Variants in PDZRN4 observed in about 807,000 individuals in gnomAD.
PDZRN4 encodes the protein PDZ domain-containing RING finger protein 4.
In PDZRN4, 70 loss-of-function variants were observed where a neutral mutation model predicts 99.0. The ratio of observed to expected loss-of-function variants is 0.71; its 90% CI spans 0.58 to 0.86. The LOEUF (loss-of-function observed/expected upper bound fraction) is 0.86. Among genes scored for constraint, PDZRN4 ranks in the 40% least tolerant of loss-of-function variants. PDZRN4 has a pLI of 0.00. For synonymous variants in PDZRN4, 551 were observed against 501.6 expected (o/e 1.10, Z -1.32); for missense variants, 1,474 against 1,331.2 (o/e 1.11, Z -1.67).
chr12:41,532,829 T>C (rs1304982245), intron 5 of PDZRN4, among the ~76,000 whole-genome samples: 1 of 152,208 alleles, frequency 6.6e-6, no homozygotes, highest in Non-Finnish European at 1.5e-5. Context: ...AAATTGCTTG[T>C]AACACTGCCT....
intron 3 of PDZRN4, among the ~76,000 whole-genome samples, chr12:41,388,673 T>C (rs1839143781): frequency 6.6e-6 from 1 of 152,156 alleles, no homozygotes; most frequent in African/African-American, 2.4e-5. Flanking sequence ...TGAGAAATGT[T>C]CAGAAACAGC....
intron 5 of PDZRN4, among the ~76,000 whole-genome samples, chr12:41,535,321 G>T (rs1938730487): frequency 6.6e-6 from 1 of 152,136 alleles, no homozygotes; most frequent in Admixed American, 6.5e-5. Context: ...TGGGTTTCTG[G>T]TTACAAAGTG....
chr12:41,329,845 T>C (rs1332743435), intron 3 of PDZRN4, among the ~76,000 whole-genome samples: 1 of 152,066 alleles, frequency 6.6e-6, no homozygotes, highest in Non-Finnish European at 1.5e-5. Context: ...TAAACCATCA[T>C]TCAAGCCAAG....
chr12:41,376,865 T>G (rs1386013436), intron 3 of PDZRN4, among the ~76,000 whole-genome samples: 2 of 152,212 alleles, frequency 1.3e-5, no homozygotes. Flanking sequence ...TTTTATGATT[T>G]ATATTTAAGT....
chr12:41,444,292 C>T (rs1487171295), intron 3 of PDZRN4, among the ~76,000 whole-genome samples: 1 of 152,034 alleles, frequency 6.6e-6, no homozygotes, highest in Non-Finnish European at 1.5e-5. Context: ...ATTCCCCTCC[C>T]TGGGAGGTAA....
intron 3 of PDZRN4, among the ~76,000 whole-genome samples, chr12:41,488,736 A>G (rs1937824989): frequency 6.6e-6 from 1 of 152,190 alleles, no homozygotes; most frequent in African/African-American, 2.4e-5. Flanking sequence ...ATTCAGATAT[A>G]ATCCAAGTCA....
At chr12:41,353,878 G>A (rs1480962024) in intron 3 of PDZRN4, among the ~76,000 whole-genome samples, 1 of 152,002 alleles carries the variant, frequency 6.6e-6, no homozygotes, top group African/African-American at 2.4e-5. Context: ...AGATTATGAG[G>A]GCTTTTCATA....
chr12:41,344,560 A>C (rs1043288617), intron 3 of PDZRN4, among the ~76,000 whole-genome samples: 7 of 151,784 alleles, frequency 4.6e-5, no homozygotes, highest in Non-Finnish European at 1.0e-4. Flanking sequence ...AAAAGAAAAA[A>C]CAACTTTCTT....
At chr12:41,300,216 A>C (rs986602727) in intron 3 of PDZRN4, among the ~76,000 whole-genome samples, 6 of 151,886 alleles carry the variant, frequency 4.0e-5, no homozygotes, top group African/African-American at 1.4e-4. Context: ...TTTAATATAC[A>C]TTTACTTTTG....
At chr12:41,457,708 A>G (rs1170986766) in intron 3 of PDZRN4, among the ~76,000 whole-genome samples, 1 of 152,224 alleles carries the variant, frequency 6.6e-6, no homozygotes, top group Non-Finnish European at 1.5e-5. Flanking sequence ...AAGTAATTTA[A>G]TTTGCAAGTT....
chr12:41,193,027 T>C (rs913662987), intron 2 of PDZRN4, among the ~76,000 whole-genome samples: 1 of 152,374 alleles, frequency 6.6e-6, no homozygotes, highest in Non-Finnish European at 1.5e-5. Flanking sequence ...GGAAACTGTC[T>C]TAGTGTTGTT....
At chr12:41,538,148 TTAAG>T (rs1326440293) in intron 5 of PDZRN4, among the ~76,000 whole-genome samples, 3 of 152,144 alleles carry the variant, frequency 2.0e-5, no homozygotes, top group Admixed American at 2.0e-4. Context: ...TTTTCTAATC[TTAAG>T]TAACTATATG....
intron 3 of PDZRN4, among the ~76,000 whole-genome samples, chr12:41,500,508 T>C (rs1454982420): frequency 6.6e-6 from 1 of 152,140 alleles, no homozygotes; most frequent in African/African-American, 2.4e-5. Context: ...TAACATTTCC[T>C]ATGTACTTAG....
intron 3 of PDZRN4, among the ~76,000 whole-genome samples, chr12:41,213,672 G>A (rs1950902016): frequency 6.6e-6 from 1 of 152,048 alleles, no homozygotes; most frequent in South Asian, 2.1e-4. Flanking sequence ...GATTAGACAA[G>A]CTTGCTTTAA....
At chr12:41,505,420 A>G (rs1178445472) in intron 3 of PDZRN4, among the ~76,000 whole-genome samples, 2 of 152,132 alleles carry the variant, frequency 1.3e-5, no homozygotes, top group African/African-American at 4.8e-5. Flanking sequence ...ATTAAAACAC[A>G]ACTTCCGCTA....
intron 3 of PDZRN4, among the ~76,000 whole-genome samples, chr12:41,461,192 T>G (rs945626609): frequency 2.1e-5 from 3 of 143,258 alleles, no homozygotes; most frequent in African/African-American, 8.2e-5. Context: ...TTGTGCTGCA[T>G]GAGTATTACT....
intron 5 of PDZRN4, among the ~76,000 whole-genome samples, chr12:41,524,409 T>C (rs1938538044): frequency 6.6e-6 from 1 of 152,122 alleles, no homozygotes; most frequent in Admixed American, 6.6e-5. Flanking sequence ...ATGAAAGAAC[T>C]GAGGCAGAGA....
intron 3 of PDZRN4, among the ~76,000 whole-genome samples, chr12:41,258,588 A>G (rs1468501439): frequency 6.6e-6 from 1 of 152,192 alleles, no homozygotes; most frequent in Admixed American, 6.5e-5. Context: ...AAATACAAAG[A>G]CTACTCTCTT....
chr12:41,561,705 G>A (rs1939273604), intron 7 of PDZRN4, among the ~76,000 whole-genome samples: 1 of 151,624 alleles, frequency 6.6e-6, no homozygotes, highest in African/African-American at 2.4e-5. Flanking sequence ...AGCTGTGTAA[G>A]ATCACCCAAT....
Sources: gnomAD v4.1 joint callset for allele counts (sites outside exome capture counted in the v4.1 genomes callset) on GRCh38, gnomAD v4.1.1 for gene constraint, MANE v1.5 for transcripts, NCBI Gene and HGNC (gene_info 2026-07-23, HGNC 2026-07-21) for gene names.